POP1: variants seen among roughly 807,000 people sequenced by gnomAD.
The protein encoded by POP1 is ribonucleases P/MRP protein subunit POP1.
A neutral mutation model predicts 102.2 loss-of-function variants in POP1; 75 were observed. The ratio of observed to expected loss-of-function variants is 0.73; its 90% CI spans 0.61 to 0.89. The LOEUF is 0.89. POP1 is among the 40% of genes least tolerant of loss of function. POP1 has a pLI of 0.00. For synonymous variants in POP1, 436 were observed against 464.1 expected, an observed-to-expected ratio of 0.94 and a Z score of 0.78; for missense variants, 1,116 against 1,267.4, an observed-to-expected ratio of 0.88 and a Z score of 1.81.
rs755649497 is a variant in POP1, at chr8:98,129,974, A to C, written c.487-4A>C. 1.2e-6 allele frequency: 2 copies of C among 1,613,912 alleles called. No homozygotes were observed. Among genetic ancestry groups the C allele is most frequent in the Non-Finnish European group, 1.7e-6 (2 of 1,179,938 alleles). On this transcript the variant is annotated splice_polypyrimidine_tract_variant and splice_region_variant and intron_variant, in intron 4 of 15. Coordinates refer to ENST00000401707, the MANE Select transcript of POP1 (RefSeq NM_001145860.2). ...GGGATATGTCCCTCTACTTGAAACT[A>C]TAGGCGGAGAAAGCCGTACATCAGA...
rs778491451 is a variant in POP1, at chr8:98,146,581, TAGAC to T, written c.1611_1614del (p.Arg537SerfsTer35). The T allele has an allele frequency of 1.9e-6, 3 of 1,613,480 alleles. No individual in the cohort carries two copies. The highest frequency in any genetic ancestry group is 1.7e-6 in the Non-Finnish European group (2 of 1,179,510). Reference sequence around the variant, plus strand: ...TTTCCCTCTTAGATAATGAGAAAGTTAGACAGCTGCTTCTGGAGGGTGTGCCTGT... The same window carrying T: ...TTTCCCTCTTAGATAATGAGAAAGTTAGCTGCTTCTGGAGGGTGTGCCTGT... On this transcript the variant is annotated frameshift_variant, in exon 12 of 16. Transcript: ENST00000401707. LOFTEE classifies it high-confidence loss of function.
At chr8:98,120,563 C>G (rs1160861695) in intron 1 of POP1, among the ~76,000 whole-genome samples, 1 of 152,128 alleles carries the variant, frequency 6.6e-6, no homozygotes, top group Non-Finnish European at 1.5e-5. Context: ...TCTCCGCCTC[C>G]TGGGTTCAAA....
At chr8:98,143,190 G>A (rs1024131147) in intron 11 of POP1, among the ~76,000 whole-genome samples, 2 of 152,122 alleles carry the variant, frequency 1.3e-5, no homozygotes, top group Admixed American at 6.5e-5. Context: ...TTGAGTCTGG[G>A]GGAAGGACTT....
intron 15 of POP1, 107 bp downstream of exon 15, chr8:98,156,519 A>G: frequency 7.8e-6 from 11 of 1,404,546 alleles, no homozygotes; most frequent in Non-Finnish European, 1.1e-5. Flanking sequence ...ATCCAAGTGA[A>G]TTTATAGGCT....
chr8:98,137,018 C>T, intron 9 of POP1, 64 bp downstream of exon 9: 2 of 1,405,190 alleles, frequency 1.4e-6, no homozygotes, highest in African/African-American at 1.4e-5. Context: ...ATTTGTGAAA[C>T]CTAATATATA....
intron 9 of POP1, among the ~76,000 whole-genome samples, chr8:98,137,480 G>T (rs1816579562): frequency 6.6e-6 from 1 of 152,050 alleles, no homozygotes; most frequent in African/African-American, 2.4e-5. Flanking sequence ...TAGAGACAGG[G>T]TTTCACCATG....
intron 11 of POP1, among the ~76,000 whole-genome samples, chr8:98,145,686 A>G (rs1315092845): frequency 6.6e-6 from 1 of 152,182 alleles, no homozygotes; most frequent in Non-Finnish European, 1.5e-5. Flanking sequence ...CAGGTGGATC[A>G]CTTGAGGTCA....
At chr8:98,119,296 A>T (rs532654740) in intron 1 of POP1, among the ~76,000 whole-genome samples, 2 of 152,316 alleles carry the variant, frequency 1.3e-5, no homozygotes, top group South Asian at 4.1e-4. Context: ...AGGTACCTTT[A>T]TTCTTAAGAC....
intron 14 of POP1, among the ~76,000 whole-genome samples, chr8:98,153,945 C>T (rs1464749097): frequency 6.6e-6 from 1 of 152,148 alleles, no homozygotes. Flanking sequence ...CCACTGACAT[C>T]TGAACATGGA....
chr8:98,136,941 CT>C lies in POP1; in HGVS notation c.1351del (p.Ser451LeufsTer18). 1 of 1,604,742 alleles carries C rather than the reference CT, an allele frequency of 6.2e-7. No individual in the cohort carries two copies. On this transcript the variant is annotated frameshift_variant, in exon 9 of 16. Coordinates refer to ENST00000401707, the MANE Select transcript of POP1 (RefSeq NM_001145860.2). LOFTEE classifies it high-confidence loss of function. ...HSILTEAIKA[A>X]SVHTVGEDTE... Reference sequence around the variant, plus strand: ...ATCCTAACTGAAGCAATAAAAGCTGCTTCTGTCCACACTGTAAGAGTAAAAG... The same window carrying C: ...ATCCTAACTGAAGCAATAAAAGCTGCTCTGTCCACACTGTAAGAGTAAAAG...
intron 2 of POP1, among the ~76,000 whole-genome samples, chr8:98,124,518 G>C (rs554843065): frequency 6.6e-6 from 1 of 151,860 alleles, no homozygotes; most frequent in South Asian, 2.1e-4. Flanking sequence ...CCAAGATCGT[G>C]CCACTGCACT....
intron 10 of POP1, among the ~76,000 whole-genome samples, chr8:98,140,467 A>G (rs1257876564): frequency 6.6e-6 from 1 of 152,234 alleles, no homozygotes; most frequent in Non-Finnish European, 1.5e-5. Context: ...CTCTATGCTT[A>G]CCTGCACACA....
chr8:98,158,164 T>C lies in POP1; in HGVS notation c.2968T>C (p.Leu990=), dbSNP rs532995686. Residue 990 remains leucine, a synonymous_variant, in exon 16 of 16, where the codon TTG becomes CTG. Coordinates refer to ENST00000401707, the MANE Select transcript of POP1 (RefSeq NM_001145860.2). ...CCTGGGGTTTGTTAGCTTGACAGGC[T>C]TGCTGGATATGCTGTCCAGCCAGCC... ...EALGFVSLTG[L]LDMLSSQPAA... The C allele has an allele frequency of 1.2e-6, 2 of 1,610,708 alleles. No homozygotes were observed. The highest frequency in any genetic ancestry group is 2.2e-5 in the South Asian group (2 of 90,738).
intron 1 of POP1, among the ~76,000 whole-genome samples, chr8:98,119,501 G>T (rs994728591): frequency 6.6e-6 from 1 of 152,210 alleles, no homozygotes; most frequent in Non-Finnish European, 1.5e-5. Context: ...TTTTTATAAA[G>T]GCAGCACATA....
intron 2 of POP1, among the ~76,000 whole-genome samples, chr8:98,125,514 G>A (rs1816174013): frequency 6.6e-6 from 1 of 151,164 alleles, no homozygotes; most frequent in Admixed American, 6.6e-5. Flanking sequence ...TTGTCTTATA[G>A]TCATAATGCC....
chr8:98,122,214 G>C (rs558278243), intron 1 of POP1, among the ~76,000 whole-genome samples: 1 of 152,276 alleles, frequency 6.6e-6, no homozygotes, highest in Admixed American at 6.5e-5. Flanking sequence ...AGGGTGGCGG[G>C]GGTGGGGGTA....
rs1448019059 is a variant in POP1, at chr8:98,140,091, C to G, written c.1376C>G (p.Thr459Arg). ...GTTATTTTTCAGGTGGGAGAGGACA[C>G]AGAGGAGACACCTCACCGCTGGTGG... ...AASVHTVGED[T>R]EETPHRWWIE... The change falls in exon 10 of 16, where the codon ACA becomes AGA. Residue 459 changes from threonine (T) to arginine (R), a missense_variant. Transcript: ENST00000401707. The G allele has an allele frequency of 6.2e-7, 1 of 1,613,654 alleles. No individual in the cohort carries two copies. The highest frequency in any genetic ancestry group is 1.3e-5 in the African/African-American group (1 of 74,890).
intron 1 of POP1, 145 bp from the exon 2 acceptor site, chr8:98,123,191 G>T: frequency 2.3e-6 from 2 of 859,236 alleles, no homozygotes; most frequent in Non-Finnish European, 1.7e-6. Context: ...TTAATTATTT[G>T]ACAGTGCAAA....
intron 15 of POP1, among the ~76,000 whole-genome samples, chr8:98,156,634 A>G (rs1217076405): frequency 6.6e-6 from 1 of 152,180 alleles, no homozygotes. Flanking sequence ...ATGATTTACA[A>G]TATTGTCATC....
Sources: allele counts gnomAD v4.1 joint callset (sites outside exome capture counted in the v4.1 genomes callset), GRCh38; gene constraint gnomAD v4.1.1; transcripts MANE v1.5; gene names NCBI Gene and HGNC (gene_info 2026-07-23, HGNC 2026-07-21).